Variants in FGF1 observed in about 807,000 individuals in gnomAD.
The protein encoded by FGF1 is beta-endothelial cell growth factor.
Under a neutral mutation model 13.4 loss-of-function variants are expected in FGF1, and 9 were observed. That is an observed-to-expected ratio of 0.67 (90% CI 0.40 to 1.17). The LOEUF (loss-of-function observed/expected upper bound fraction) is 1.17. Ranked by LOEUF, FGF1 falls within the 50% of genes most tolerant of loss-of-function variation. FGF1 has a pLI of 0.01. For missense variants in FGF1, 156 were observed against 192.7 expected (o/e 0.81, Z 1.13); for synonymous variants, 93 against 79.0 (o/e 1.18, Z -0.94).
rs1597261803 is a variant in FGF1, at chr5:142,638,641, A to G, written c.-34-24480T>C. Among the ~76,000 whole-genome samples the G allele has an allele frequency of 2.0e-5, 3 of 152,070 alleles. No homozygotes were observed. In the South Asian group the frequency reaches 6.2e-4, roughly 31 times the overall value. ...AGGTCTGGGTAATCATTTTTTGGAT[A>G]TGATTCCAAAAGCACAGACAACAAA... On this transcript the variant is annotated intron_variant, in intron 1 of 3. Coordinates refer to ENST00000337706, the MANE Select transcript of FGF1 (RefSeq NM_000800.5).
At chr5:142,685,170 T>G (rs1434389195) in intron 1 of FGF1, among the ~76,000 whole-genome samples, 1 of 152,158 alleles carries the variant, frequency 6.6e-6, no homozygotes, top group Non-Finnish European at 1.5e-5. Flanking sequence ...TGGGTGTGGA[T>G]AGTGTATGTG....
rs369158348 is a variant in FGF1, at chr5:142,624,597, A to G, written c.-34-10436T>C. Among the ~76,000 whole-genome samples, 8 of 152,244 alleles carry G rather than the reference A, an allele frequency of 5.3e-5. No homozygotes were observed. The East Asian group carries it at 1.4e-3, about 26-fold the overall frequency. Reference sequence around the variant, plus strand: ...TCTCTTCTGCTCTTTAATTTAGGATACTTTTAATTCTAAAGACTCCCCAAG... The same window carrying G: ...TCTCTTCTGCTCTTTAATTTAGGATGCTTTTAATTCTAAAGACTCCCCAAG... On this transcript the variant is annotated intron_variant, in intron 1 of 3. Coordinates refer to ENST00000337706, the MANE Select transcript of FGF1 (RefSeq NM_000800.5).
At chr5:142,697,989 C>T (rs1392114363) in exon 1 of FGF1, 1 of 152,192 alleles carries the variant, frequency 6.6e-6, no homozygotes, top group Non-Finnish European at 1.5e-5. Context: ...GCACTTGGGC[C>T]CCTACAAGTG....
chr5:142,605,278 T>G (rs1008395204), intron 2 of FGF1, among the ~76,000 whole-genome samples: 4 of 150,156 alleles, frequency 2.7e-5, no homozygotes, highest in Non-Finnish European at 1.5e-5. Flanking sequence ...GGCTAGTTTT[T>G]TTTTTTTTTT....
In FGF1 at chr5:142,595,333, T is replaced by C; in HGVS notation, c.425A>G (p.Gln142Arg). The C allele has an allele frequency of 6.2e-7, 1 of 1,614,100 alleles. No homozygotes were observed. ...CKRGPRTHYGQKAILFLPLPV... is the reference protein window; with the variant it reads ...CKRGPRTHYGRKAILFLPLPV... ...CAGGGGGAGAAACAAGATTGCTTTC[T>C]GGCCATAGTGAGTCCGAGGACCGCG... is the stretch of plus-strand genomic sequence containing the variant. The change falls in exon 4 of 4, where the codon CAG becomes CGG. Residue 142 changes from glutamine (Q) to arginine (R), a missense_variant. Coordinates refer to ENST00000337706, the MANE Select transcript of FGF1 (RefSeq NM_000800.5).
intron 1 of FGF1, among the ~76,000 whole-genome samples, chr5:142,659,462 C>T (rs914588333): frequency 1.3e-5 from 2 of 152,120 alleles, no homozygotes; most frequent in Non-Finnish European, 1.5e-5. Flanking sequence ...CTCTTGACCT[C>T]GTATTCCACC....
chr5:142,690,093 G>A (rs1378130072), upstream of FGF1, among the ~76,000 whole-genome samples: 3 of 150,142 alleles, frequency 2.0e-5, no homozygotes, highest in Non-Finnish European at 4.5e-5. Flanking sequence ...AGGCTGAGGC[G>A]GGCGGATCAA....
intron 1 of FGF1, among the ~76,000 whole-genome samples, chr5:142,628,876 G>A (rs983120175): frequency 3.3e-5 from 5 of 152,114 alleles, no homozygotes; most frequent in South Asian, 2.1e-4. Flanking sequence ...CCATCTTTTC[G>A]CACATAATTC....
chr5:142,656,343 A>AT (rs1768157350), intron 1 of FGF1, among the ~76,000 whole-genome samples: 1 of 146,480 alleles, frequency 6.8e-6, no homozygotes, highest in African/African-American at 2.7e-5. Flanking sequence ...CAATATCTTG[A>AT]TTAAAAAAAA....
chr5:142,673,263 C>T (rs1597417833), intron 1 of FGF1, among the ~76,000 whole-genome samples: 3 of 152,072 alleles, frequency 2.0e-5, no homozygotes, highest in African/African-American at 7.2e-5. Flanking sequence ...GGCCTTTTCT[C>T]ATCTTTTATT....
chr5:142,695,427 C>A (rs1295002477), intron 2 of FGF1, among the ~76,000 whole-genome samples: 1 of 151,714 alleles, frequency 6.6e-6, no homozygotes, highest in African/African-American at 2.4e-5. Context: ...ACTAAAAATA[C>A]AAAAATTAGC....
rs551703661 is a variant in FGF1, at chr5:142,646,554, T to C, written c.-34-32393A>G. Among the ~76,000 whole-genome samples the C allele has an allele frequency of 9.4e-4, 143 of 152,238 alleles. 2 individuals are homozygous for C. In the Middle Eastern group the frequency reaches 0.01, roughly 11 times the overall value. On this transcript the variant is annotated intron_variant, in intron 1 of 3. Transcript: ENST00000337706. ...TTTTAGTAGAGGCGGGGTTTCGCCA[T>C]GTTGGTCAGGCTAGTCTCAAACGCC... is the stretch of plus-strand genomic sequence containing the variant.
At chr5:142,664,943 G>A (rs184963834) in intron 1 of FGF1, among the ~76,000 whole-genome samples, 6 of 152,306 alleles carry the variant, frequency 3.9e-5, no homozygotes, top group Non-Finnish European at 8.8e-5. Flanking sequence ...GTAAAGTTAC[G>A]TAAGGTGCTT....
intron 1 of FGF1, among the ~76,000 whole-genome samples, chr5:142,667,269 G>A (rs1050695074): frequency 2.6e-5 from 4 of 151,568 alleles, no homozygotes; most frequent in African/African-American, 9.7e-5. Flanking sequence ...GGGCAACAGA[G>A]CGAGACTCGG....
intron 1 of FGF1, among the ~76,000 whole-genome samples, chr5:142,643,107 C>T (rs1765451899): frequency 6.6e-6 from 1 of 152,214 alleles, no homozygotes; most frequent in Non-Finnish European, 1.5e-5. Context: ...GGCTCCATGG[C>T]TTCTGCCTCC....
intron 1 of FGF1, among the ~76,000 whole-genome samples, chr5:142,626,008 C>T (rs1337939234): frequency 6.6e-6 from 1 of 152,172 alleles, no homozygotes; most frequent in Non-Finnish European, 1.5e-5. Flanking sequence ...ATTTGTTACT[C>T]AATAGCCGAC....
rs17217485 is a variant in FGF1 at position 142,597,940 on chromosome 5, G to C, written c.274-2456C>G. On this transcript the variant is annotated intron_variant, in intron 3 of 3. Coordinates refer to ENST00000337706, the MANE Select transcript of FGF1 (RefSeq NM_000800.5). The stretch of plus-strand genomic sequence containing the variant: ...AGTCAGCCTTTCTTAGTAAGGAACT[G>C]TGTAACAGGAAGTATCCTGCTTCTT... 2.7e-3 allele frequency among the ~76,000 whole-genome samples: 415 copies of C among 152,338 alleles called. 17 individuals are homozygous for C. In the East Asian group the frequency reaches 0.069, roughly 25 times the overall value.
At chr5:142,686,647 G>A (rs2152063030), upstream of FGF1, among the ~76,000 whole-genome samples, 1 of 152,318 alleles carries the variant, frequency 6.6e-6, no homozygotes, top group East Asian at 1.9e-4. Context: ...TGCATGGGGT[G>A]TAGGTGTCTG....
chr5:142,664,684 TTGTG>T (rs770410861), intron 1 of FGF1, among the ~76,000 whole-genome samples: 29 of 152,350 alleles, frequency 1.9e-4, no homozygotes, highest in Non-Finnish European at 3.7e-4. Context: ...ATTGCTCTGC[TTGTG>T]TTTCATTCAT....
Sources: gnomAD v4.1 joint callset for allele counts (sites outside exome capture counted in the v4.1 genomes callset) on GRCh38, gnomAD v4.1.1 for gene constraint, MANE v1.5 for transcripts, NCBI Gene and HGNC (gene_info 2026-07-23, HGNC 2026-07-21) for gene names.